Variants in CDK13 observed in about 807,000 individuals in gnomAD.
CDK13 encodes cyclin dependent kinase 13, also known as cyclin-dependent kinase 13.
A neutral mutation model predicts 137.6 loss-of-function variants in CDK13; 40 were observed. That is an observed-to-expected ratio of 0.29 (90% confidence interval 0.23 to 0.38). The LOEUF is 0.38. Among genes scored for constraint, CDK13 ranks in the 10% least tolerant of loss-of-function variants. CDK13 has a pLI of 1.00. For missense variants in CDK13, 1,704 were observed against 1,951.8 expected (o/e 0.87, Z 2.39); for synonymous variants, 869 against 760.1 (o/e 1.14, Z -2.36).
intron 1 of CDK13, among the ~76,000 whole-genome samples, chr7:39,962,003 A>G (rs1029294273): frequency 6.6e-5 from 10 of 152,198 alleles, no homozygotes; most frequent in African/African-American, 1.9e-4. Context: ...TCCATGGTGT[A>G]TATGTGCCAC....
chr7:39,973,592 A>G (rs771697652), intron 1 of CDK13, among the ~76,000 whole-genome samples: 3 of 152,232 alleles, frequency 2.0e-5, no homozygotes, highest in Non-Finnish European at 2.9e-5. Flanking sequence ...TTAAAGCACA[A>G]AAGTATTTTA....
chr7:40,086,957 CAT>C (rs1247386050), intron 11 of CDK13, among the ~76,000 whole-genome samples: 2 of 151,668 alleles, frequency 1.3e-5, no homozygotes, highest in African/African-American at 2.4e-5. Flanking sequence ...GGACTACAGA[CAT>C]GTGCCACCAT....
chr7:40,007,457 C>T (rs1784815826), intron 5 of CDK13, among the ~76,000 whole-genome samples: 1 of 152,182 alleles, frequency 6.6e-6, no homozygotes, highest in African/African-American at 2.4e-5. Context: ...GACGGAGTCT[C>T]GCTCTGTCAC....
chr7:39,987,983 A>AT lies in CDK13; in HGVS notation c.1596_1597insT (p.Lys533Ter). The AT allele has an allele frequency of 6.2e-7, 1 of 1,614,096 alleles. No homozygotes were observed. The highest frequency in any genetic ancestry group is 8.5e-7 in the Non-Finnish European group (1 of 1,179,968). The stretch of plus-strand genomic sequence containing the variant: ...CTTCTCCCTCAAGTGGTGGAACTTT[A>AT]AAAAATGACAAAGCAAAAACAAAGC... On this transcript the variant is annotated frameshift_variant, in exon 2 of 14. Coordinates refer to ENST00000181839, the MANE Select transcript of CDK13 (RefSeq NM_003718.5). LOFTEE classifies it high-confidence loss of function.
rs1321265670 is a variant in CDK13 at position 40,098,398 on chromosome 7, G to A, written c.*3418G>A. The A allele has an allele frequency of 6.6e-6, 1 of 151,124 alleles. No individual in the cohort carries two copies. Among genetic ancestry groups the A allele is most frequent in the Non-Finnish European group, 1.5e-5 (1 of 67,822 alleles). The allele number at this position is 151,124 out of a possible 1,614,324, so 9.4% of individuals were successfully genotyped here. ...TTATTTTTATTTTTTCTTTTTTTAG[G>A]GGAAGGGGACTTGCTTTCTTTTCCA... On this transcript the variant is annotated 3_prime_UTR_variant, in exon 14 of 14. Coordinates refer to ENST00000181839, the MANE Select transcript of CDK13 (RefSeq NM_003718.5).
At chr7:40,053,775 AAAG>A (rs1785948218) in intron 7 of CDK13, among the ~76,000 whole-genome samples, 1 of 151,736 alleles carries the variant, frequency 6.6e-6, no homozygotes, top group African/African-American at 2.4e-5. Flanking sequence ...TTTTTAAGAA[AAAG>A]AAGGGAAAAG....
intron 1 of CDK13, among the ~76,000 whole-genome samples, chr7:39,981,798 T>TG (rs1301992766): frequency 6.6e-6 from 1 of 150,428 alleles, no homozygotes; most frequent in East Asian, 1.9e-4. Context: ...ATATCTTTTT[T>TG]TTTTTTTTTT....
At chr7:40,011,526 G>T (rs1784894109) in intron 5 of CDK13, among the ~76,000 whole-genome samples, 1 of 152,200 alleles carries the variant, frequency 6.6e-6, no homozygotes, top group South Asian at 2.1e-4. Flanking sequence ...GTGGCAGGAT[G>T]ATTCAGAGGG....
At chr7:39,970,423 T>C (rs1047193433) in intron 1 of CDK13, among the ~76,000 whole-genome samples, 1 of 152,130 alleles carries the variant, frequency 6.6e-6, no homozygotes, top group African/African-American at 2.4e-5. Flanking sequence ...AACATTATGA[T>C]AGCATACTTA....
intron 1 of CDK13, among the ~76,000 whole-genome samples, chr7:39,983,184 A>G (rs1170607340): frequency 5.9e-5 from 9 of 152,166 alleles, no homozygotes; most frequent in African/African-American, 2.2e-4. Flanking sequence ...TCCATCTTGA[A>G]TTAATTTTTA....
chr7:39,952,055 G>A (rs1457996091), intron 1 of CDK13: 2 of 421,800 alleles, frequency 4.7e-6, no homozygotes, highest in African/African-American at 2.0e-5. Context: ...GCAACTGGGC[G>A]AAGGGAACTT....
At chr7:40,093,630 TGC>T in intron 13 of CDK13, among the ~76,000 whole-genome samples, 1 of 152,128 alleles carries the variant, frequency 6.6e-6, no homozygotes, top group East Asian at 1.9e-4. Flanking sequence ...TACGGCTGGG[TGC>T]AGTGGCTCAC....
intron 5 of CDK13, among the ~76,000 whole-genome samples, chr7:40,022,856 T>G (rs181758884): frequency 0.017 from 2,503 of 148,196 alleles, 28 homozygotes; most frequent in South Asian, 0.045. Context: ...TCTTTTCGTC[T>G]TCTTTTTTTT....
chr7:40,025,547 A>C (rs188574893), intron 5 of CDK13, among the ~76,000 whole-genome samples: 4 of 152,308 alleles, frequency 2.6e-5, no homozygotes, highest in Middle Eastern at 3.4e-3. Flanking sequence ...ATCTATATTA[A>C]TTCAGATAAT....
chr7:40,047,971 G>C, intron 7 of CDK13, 94 bp downstream of exon 7: 2 of 807,512 alleles, frequency 2.5e-6, no homozygotes, highest in Non-Finnish European at 4.1e-6. Flanking sequence ...TTTTTTAAAA[G>C]AGAAGTTTAC....
Position 39,951,228 on chromosome 7 carries a change from G to T in CDK13, c.587G>T (p.Arg196Leu), listed in dbSNP as rs1225243220. ...GTQRRGEGSE[R>L]RPRRDRRSSS... The stretch of plus-strand genomic sequence containing the variant: ...CAGCGGCGCGGGGAGGGGTCGGAGC[G>T]CAGGCCCCGCCGGGACCGCCGCAGC... The change falls in exon 1 of 14, where the codon CGC becomes CTC. Residue 196 changes from arginine (R) to leucine (L), a missense_variant. Arg to Leu is a moderately radical substitution (Grantham distance 102). Transcript: ENST00000181839. The T allele has an allele frequency of 1.6e-6, 2 of 1,277,678 alleles. No homozygotes were observed. The highest frequency in any genetic ancestry group is 2.0e-6 in the Non-Finnish European group (2 of 1,015,508). 79.1% of individuals were successfully genotyped at this position (1,277,678 alleles called of 1,614,324 possible).
At chr7:40,000,856 T>C (rs1221230951) in intron 4 of CDK13, among the ~76,000 whole-genome samples, 1 of 152,204 alleles carries the variant, frequency 6.6e-6, no homozygotes, top group Non-Finnish European at 1.5e-5. Context: ...GAACAAACCT[T>C]TATTATAGTG....
chr7:39,989,086 C>CAAA (rs1213730855), intron 2 of CDK13, among the ~76,000 whole-genome samples: 8,967 of 46,550 alleles, frequency 0.19, 1,151 homozygotes, highest in Middle Eastern at 0.29. Context: ...CGTGTCTCAC[C>CAAA]AAAAAAAAAA....
chr7:39,950,411 T>C lies in CDK13; in HGVS notation c.-231T>C. ...TAGGACGACGAGCGCAATCGGGAGC[T>C]CCGCCGCCCGGATTCCTGCTTCCCT... On this transcript the variant is annotated 5_prime_UTR_variant, in exon 1 of 14. Coordinates refer to ENST00000181839, the MANE Select transcript of CDK13 (RefSeq NM_003718.5). The C allele has an allele frequency of 8.1e-7, 1 of 1,231,316 alleles. No individual in the cohort carries two copies. Among genetic ancestry groups the C allele is most frequent in the Non-Finnish European group, 1.0e-6 (1 of 987,682 alleles). The allele number at this position is 1,231,316 out of a possible 1,614,324, so 76.3% of individuals were successfully genotyped here.
Sources: allele counts gnomAD v4.1 joint callset (sites outside exome capture counted in the v4.1 genomes callset), GRCh38; gene constraint gnomAD v4.1.1; transcripts MANE v1.5; gene names NCBI Gene and HGNC (gene_info 2026-07-23, HGNC 2026-07-21).